The following TMEM272 variants were observed in gnomAD, a reference collection of about 807,000 sequenced individuals.
TMEM272 encodes long intergenic non-protein coding RNA 282.
TMEM272 carries 8 observed loss-of-function variants against 3.7 expected under a neutral mutation model. The observed-to-expected ratio is 2.17, with a 90% CI of 1.27 to 3.91. TMEM272 has a LOEUF of 3.91. Among genes scored for constraint, TMEM272 ranks in the 30% most tolerant of loss-of-function variants. The probability of loss-of-function intolerance (pLI) is 0.00; values close to 1 mark genes in which losing one functional copy is unlikely to be tolerated. For synonymous variants in TMEM272, 63 were observed against 39.8 expected (o/e 1.58, Z -2.20); for missense variants, 166 against 91.5 (o/e 1.81, Z -3.32).
the TMEM272 span, among the ~76,000 whole-genome samples, chr13:51,913,312 T>C: frequency 6.6e-6 from 1 of 152,218 alleles, no homozygotes. Flanking sequence ...GGCAGTTTGC[T>C]TTTACCAGTG....
At chr13:51,883,223 C>G in the TMEM272 span, among the ~76,000 whole-genome samples, 2 of 152,222 alleles carry the variant, frequency 1.3e-5, no homozygotes, top group African/African-American at 4.8e-5. Context: ...TTCTTCACAC[C>G]TGCAGCTTGG....
rs1194901019 is a variant in TMEM272 at position 51,817,129 on chromosome 13, G to T, written c.202-16C>A. 2 of 695,226 alleles carry T rather than the reference G, an allele frequency of 2.9e-6. No homozygotes were observed. The highest frequency in any genetic ancestry group is 3.5e-5 in the African/African-American group (2 of 57,064). 43.1% of individuals were successfully genotyped at this position (695,226 alleles called of 1,614,324 possible). On this transcript the variant is annotated splice_polypyrimidine_tract_variant and intron_variant, in intron 4 of 4. Coordinates refer to ENST00000629372, the MANE Select transcript of TMEM272 (RefSeq NM_001351003.2). ...GGAGAGACACCTGGGGCGTGGTGGG[G>T]AGCCAGGGTGGCAAGGCAGAGCAGC...
At chr13:51,879,349 G>T in the TMEM272 span, among the ~76,000 whole-genome samples, 1 of 52,842 alleles carries the variant, frequency 1.9e-5, no homozygotes, top group East Asian at 6.6e-4. Context: ...TCTTATGTTA[G>T]CTCATGTTCC....
At chr13:51,825,855 C>T (rs1050641497) in intron 3 of TMEM272, among the ~76,000 whole-genome samples, 1 of 151,944 alleles carries the variant, frequency 6.6e-6, no homozygotes, top group African/African-American at 2.4e-5. Flanking sequence ...GCAATCGGCC[C>T]GCCTCAGCCC....
At chr13:51,902,938 C>A in the TMEM272 span, among the ~76,000 whole-genome samples, 21,659 of 152,238 alleles carry the variant, frequency 0.14, 1,926 homozygotes, top group Middle Eastern at 0.23. Flanking sequence ...TCTGCAAGGG[C>A]AATTCTTCAG....
At chr13:51,929,003 C>A in the TMEM272 span, among the ~76,000 whole-genome samples, 2 of 152,176 alleles carry the variant, frequency 1.3e-5, no homozygotes, top group African/African-American at 4.8e-5. Flanking sequence ...TCGAGACCAT[C>A]CTGACCAACA....
chr13:51,904,935 T>G, the TMEM272 span, among the ~76,000 whole-genome samples: 120 of 152,286 alleles, frequency 7.9e-4, no homozygotes, highest in African/African-American at 2.8e-3. Flanking sequence ...TACTGACATT[T>G]TGGAATAGAT....
chr13:51,843,938 T>A (rs1747529152), intron 1 of TMEM272, among the ~76,000 whole-genome samples: 1 of 152,188 alleles, frequency 6.6e-6, no homozygotes, highest in South Asian at 2.1e-4. Flanking sequence ...GGTGATCTGA[T>A]CCCCAAGGCA....
At chr13:51,827,402 G>T (rs1264049852) in intron 2 of TMEM272, among the ~76,000 whole-genome samples, 2 of 152,186 alleles carry the variant, frequency 1.3e-5, no homozygotes, top group Non-Finnish European at 1.5e-5. Context: ...GGACCTCAGG[G>T]TATGGCAACT....
chr13:51,823,027 G>A (rs1377978787), intron 3 of TMEM272, among the ~76,000 whole-genome samples: 1 of 152,212 alleles, frequency 6.6e-6, no homozygotes, highest in Non-Finnish European at 1.5e-5. Flanking sequence ...GGGTAGCAAG[G>A]CAGTGTGACC....
the TMEM272 span, among the ~76,000 whole-genome samples, chr13:51,901,808 T>C: frequency 6.6e-6 from 1 of 152,096 alleles, no homozygotes; most frequent in Admixed American, 6.5e-5. Context: ...TTTCCCTACC[T>C]CCAGCCCAGC....
At chr13:51,914,842 C>A in the TMEM272 span, among the ~76,000 whole-genome samples, 1,246 of 152,290 alleles carry the variant, frequency 8.2e-3, 12 homozygotes, top group Non-Finnish European at 0.014. Context: ...CTTTTGAGGC[C>A]CACGTTTGAA....
At chr13:51,865,738 T>C in the TMEM272 span, 1 of 1,613,996 alleles carries the variant, frequency 6.2e-7, no homozygotes, top group Non-Finnish European at 8.5e-7. Context: ...AAGAGAAAAC[T>C]TTCTGGAAAA....
At chr13:51,916,162 A>G in the TMEM272 span, among the ~76,000 whole-genome samples, 1 of 152,212 alleles carries the variant, frequency 6.6e-6, no homozygotes, top group Non-Finnish European at 1.5e-5. Flanking sequence ...ATCTAAACCA[A>G]TTACAAGTGA....
the TMEM272 span, among the ~76,000 whole-genome samples, chr13:51,879,108 G>A: frequency 6.6e-6 from 1 of 152,192 alleles, no homozygotes; most frequent in Non-Finnish European, 1.5e-5. Context: ...AACGTAAGCA[G>A]AACTGGGCCT....
the TMEM272 span, among the ~76,000 whole-genome samples, chr13:51,850,995 C>T: frequency 6.6e-6 from 1 of 152,120 alleles, no homozygotes; most frequent in African/African-American, 2.4e-5. Flanking sequence ...ATAATCCTTC[C>T]TCTGTAGGGG....
chr13:51,916,244 G>A, the TMEM272 span, among the ~76,000 whole-genome samples: 240 of 152,302 alleles, frequency 1.6e-3, no homozygotes, highest in Non-Finnish European at 2.8e-3. Flanking sequence ...GCCCCTTCCA[G>A]AGCCCCTTCC....
the TMEM272 span, chr13:51,866,211 G>A: frequency 1.2e-6 from 1 of 842,252 alleles, no homozygotes; most frequent in Non-Finnish European, 1.8e-6. Flanking sequence ...ATAAAGTCCT[G>A]AGGCAAGGTT....
the TMEM272 span, among the ~76,000 whole-genome samples, chr13:51,869,491 A>ATTTTT: frequency 1.4e-5 from 2 of 142,820 alleles, no homozygotes; most frequent in Non-Finnish European, 3.0e-5. Flanking sequence ...CAATTCAGTA[A>ATTTTT]TTTTTTTTTT....
Sources: gnomAD v4.1 joint callset for allele counts (sites outside exome capture counted in the v4.1 genomes callset) on GRCh38, gnomAD v4.1.1 for gene constraint, MANE v1.5 for transcripts, NCBI Gene and HGNC (gene_info 2026-07-23, HGNC 2026-07-21) for gene names.